The following CPEB1 variants were observed in gnomAD, a reference collection of about 807,000 sequenced individuals.
The protein encoded by CPEB1 is cytoplasmic polyadenylation element-binding protein 1.
Under a neutral mutation model 65.8 loss-of-function variants are expected in CPEB1, and 7 were observed. The observed-to-expected ratio is 0.11, with a 90% CI of 0.06 to 0.20. CPEB1 has a LOEUF of 0.20. CPEB1 is among the 10% of genes least tolerant of loss of function. The pLI is 1.00. For synonymous variants in CPEB1, 262 were observed against 260.0 expected (o/e 1.01, Z -0.08); for missense variants, 551 against 712.2 (o/e 0.77, Z 2.58).
intron 1 of CPEB1, chr15:82,629,735 A>G (rs2151328303): frequency 3.0e-6 from 3 of 985,418 alleles, no homozygotes; most frequent in Non-Finnish European, 2.4e-6. Flanking sequence ...CTGGCACTTA[A>G]TATCTCATAA....
At chr15:82,557,653 C>T in intron 5 of CPEB1, 107 bp downstream of exon 5, 2 of 891,526 alleles carry the variant, frequency 2.2e-6, no homozygotes, top group Non-Finnish European at 3.5e-6. Flanking sequence ...CATCTCCCAG[C>T]CTGCATTCCA....
intron 3 of CPEB1, among the ~76,000 whole-genome samples, chr15:82,586,775 C>A (rs973666970): frequency 7.9e-5 from 12 of 152,142 alleles, no homozygotes; most frequent in African/African-American, 2.9e-4. Flanking sequence ...CTATACTTAG[C>A]GACATGGAAT....
upstream of CPEB1, chr15:82,648,251 C>T (rs1377826587): frequency 4.6e-6 from 1 of 218,560 alleles, no homozygotes; most frequent in Non-Finnish European, 9.0e-6. Flanking sequence ...ACTGTCTGCC[C>T]TGGGCCTCAG....
chr15:82,544,827 G>A, intron 12 of CPEB1, 125 bp from the exon 13 acceptor site: 1 of 706,482 alleles, frequency 1.4e-6, no homozygotes, highest in East Asian at 2.7e-5. Flanking sequence ...CTGTGGGTTA[G>A]AAGAAATGGT....
intron 1 of CPEB1, among the ~76,000 whole-genome samples, chr15:82,638,805 A>C (rs1305885834): frequency 6.6e-6 from 1 of 152,216 alleles, no homozygotes; most frequent in African/African-American, 2.4e-5. Flanking sequence ...GCTGAGATGT[A>C]ATGAAATTAA....
Position 82,555,040 on chromosome 15 carries a change from A to T in CPEB1, c.940+830T>A, listed in dbSNP as rs906535979. Among the ~76,000 whole-genome samples the T allele has an allele frequency of 3.3e-5, 5 of 152,328 alleles. No individual in the cohort carries two copies. The East Asian group carries it at 9.6e-4, about 29-fold the overall frequency. On this transcript the variant is annotated intron_variant, in intron 6 of 12. Transcript: ENST00000684509. ...AAACAGACACACTGAAGCCTATGGA[A>T]ACAAATGGAATGCAGAAACTAACAC...
rs1239466395 is a variant in CPEB1, at chr15:82,647,186, CT to C, written c.-148del. 6.6e-6 allele frequency: 1 copy of C among 152,664 alleles called. No individual in the cohort carries two copies. The highest frequency in any genetic ancestry group is 2.4e-5 in the African/African-American group (1 of 41,470). The allele number at this position is 152,664 out of a possible 1,614,324, so 9.5% of individuals were successfully genotyped here. A position where few individuals can be genotyped will look rare whatever the true frequency, so the allele number is the denominator to read the frequency against. On this transcript the variant is annotated 5_prime_UTR_variant, in exon 1 of 13. Coordinates refer to ENST00000684509, the MANE Select transcript of CPEB1 (RefSeq NM_001365242.1). ...CTCCCGGGCACGAAGCCCCGCCAGT[CT>C]TCCGCCCTCGCGCCACACTACCTGG...
At chr15:82,614,199 G>A (rs144585628) in intron 3 of CPEB1, among the ~76,000 whole-genome samples, 1 of 152,304 alleles carries the variant, frequency 6.6e-6, no homozygotes, top group African/African-American at 2.4e-5. Flanking sequence ...GAGTGCAGCA[G>A]CATTATCACA....
intron 3 of CPEB1, among the ~76,000 whole-genome samples, chr15:82,574,010 C>G (rs1224374423): frequency 6.6e-6 from 1 of 152,096 alleles, no homozygotes; most frequent in African/African-American, 2.4e-5. Context: ...ACACAATCTT[C>G]CCACCCCAAG....
chr15:82,544,666 A>G lies in CPEB1; in HGVS notation c.1693T>C (p.Trp565Arg). ...CGCAGGCCCTCCATGCTGTGCCGCC[A>G]GTGCCAGCAGCTCCGGCAGAAGTAT... The part of the protein sequence containing the change: ...FKYFCRSCWH[W>R]RHSMEGLRHH... Residue 565 changes from tryptophan to arginine, a missense_variant, in exon 13 of 13, where the codon TGG (tryptophan) becomes CGG (arginine). This residue lies in a region of CPEB1 where 98 missense variants were observed against 157.6 expected (regional missense o/e 0.62). Coordinates refer to ENST00000684509, the MANE Select transcript of CPEB1 (RefSeq NM_001365242.1). 1 of 1,613,472 alleles carries G rather than the reference A, an allele frequency of 6.2e-7. No homozygotes were observed. The highest frequency in any genetic ancestry group is 8.5e-7 in the Non-Finnish European group (1 of 1,179,836).
intron 3 of CPEB1, among the ~76,000 whole-genome samples, chr15:82,613,021 A>C (rs2151255872): frequency 6.6e-6 from 1 of 152,314 alleles, no homozygotes. Context: ...AGCTCTTCTC[A>C]AGAACAGCGA....
In CPEB1 at chr15:82,603,887, T is replaced by TA. The variant is rs112287901; in HGVS notation, c.271+23305dup. On this transcript the variant is annotated intron_variant, in intron 3 of 12. Transcript: ENST00000684509. Reference sequence around the variant, plus strand: ...CGGATAACCCGATTTCCAGACTTGCTACATTATTTCCAATGTCCAATTTTC... The same window carrying TA: ...CGGATAACCCGATTTCCAGACTTGCTAACATTATTTCCAATGTCCAATTTTC... Among the ~76,000 whole-genome samples, 204 of 152,370 alleles carry TA rather than the reference T, an allele frequency of 1.3e-3. 1 individual carries two copies. The highest frequency in any genetic ancestry group is 4.3e-3 in the African/African-American group (180 of 41,590).
At chr15:82,635,136 T>C (rs563206023) in intron 1 of CPEB1, among the ~76,000 whole-genome samples, 1 of 152,342 alleles carries the variant, frequency 6.6e-6, no homozygotes, top group East Asian at 1.9e-4. Context: ...ATTACAGGCA[T>C]GAGCCACATG....
intron 2 of CPEB1, 77 bp from the exon 3 acceptor site, chr15:82,627,444 G>C (rs2045868511): frequency 1.8e-6 from 2 of 1,124,266 alleles, no homozygotes; most frequent in Non-Finnish European, 1.2e-6. Context: ...TTACGAATTA[G>C]ATAAAGTAGG....
rs895836055 is a variant in CPEB1, at chr15:82,581,661, G to A, written c.272-10129C>T. Among the ~76,000 whole-genome samples, 8 of 152,106 alleles carry A rather than the reference G, an allele frequency of 5.3e-5. No individual in the cohort carries two copies. The South Asian group carries it at 6.2e-4, about 12-fold the overall frequency. ...CAAGTGTAAACTGGTATCTCATTGCGGTGTACATTTTTTTTAAAAATTAGG... is the reference window on the plus strand; with the variant it reads ...CAAGTGTAAACTGGTATCTCATTGCAGTGTACATTTTTTTTAAAAATTAGG... On this transcript the variant is annotated intron_variant, in intron 3 of 12. Coordinates refer to ENST00000684509, the MANE Select transcript of CPEB1 (RefSeq NM_001365242.1).
At chr15:82,566,670 T>C (rs1469823539) in intron 4 of CPEB1, among the ~76,000 whole-genome samples, 1 of 152,030 alleles carries the variant, frequency 6.6e-6, no homozygotes, top group African/African-American at 2.4e-5. Context: ...CATATTCATG[T>C]CCCTTGTAAG....
chr15:82,562,879 C>T (rs987726213), intron 4 of CPEB1, among the ~76,000 whole-genome samples: 1 of 151,122 alleles, frequency 6.6e-6, no homozygotes, highest in East Asian at 1.9e-4. Context: ...ATACAGTTCT[C>T]ACACTAAAAT....
chr15:82,627,243 C>T lies in CPEB1; in HGVS notation c.221G>A (p.Ser74Asn). The T allele has an allele frequency of 6.2e-7, 1 of 1,613,800 alleles. No homozygotes were observed. The highest frequency in any genetic ancestry group is 8.5e-7 in the Non-Finnish European group (1 of 1,179,800). The change falls in exon 3 of 13, where the codon AGT becomes AAT. Residue 74 changes from serine to asparagine, a missense_variant. Ser to Asn is a conservative substitution (Grantham distance 46). Coordinates refer to ENST00000684509, the MANE Select transcript of CPEB1 (RefSeq NM_001365242.1). Reference sequence around the variant, plus strand: ...GTTTATAGGTGTAGTGCAGACTCTACTGAAATCCAGAGAATTATCCAATAT... The same window carrying T: ...GTTTATAGGTGTAGTGCAGACTCTATTGAAATCCAGAGAATTATCCAATAT... ...NAILDNSLDFSRVCTTPINRG... is the reference protein window; with the variant it reads ...NAILDNSLDFNRVCTTPINRG...
intron 3 of CPEB1, among the ~76,000 whole-genome samples, chr15:82,610,519 T>C (rs186731008): frequency 3.4e-4 from 51 of 151,070 alleles, no homozygotes; most frequent in African/African-American, 1.2e-3. Flanking sequence ...TGGTTCATTA[T>C]AAGAAAAAAA....
Sources: allele counts gnomAD v4.1 joint callset (sites outside exome capture counted in the v4.1 genomes callset), GRCh38; gene constraint gnomAD v4.1.1; regional missense constraint gnomAD v4.1.1; transcripts MANE v1.5; gene names NCBI Gene and HGNC (gene_info 2026-07-23, HGNC 2026-07-21).